The following CRYL1 variants were observed in gnomAD, a reference collection of about 807,000 sequenced individuals.
The protein encoded by CRYL1 is crystallin lambda 1.
In CRYL1, 29 loss-of-function variants were observed where a neutral mutation model predicts 36.6. The observed-to-expected ratio is 0.79, with a 90% CI of 0.59 to 1.08. The LOEUF (loss-of-function observed/expected upper bound fraction) is 1.08, where lower values mean the gene tolerates loss of function less well. CRYL1 is among the 50% of genes least tolerant of loss of function. The probability of loss-of-function intolerance (pLI) is 0.00; values close to 1 mark genes in which losing one functional copy is unlikely to be tolerated. For synonymous variants in CRYL1, 152 were observed against 151.5 expected (o/e 1.00, Z -0.02); for missense variants, 411 against 407.9 (o/e 1.01, Z -0.06).
intron 3 of CRYL1, among the ~76,000 whole-genome samples, chr13:20,447,089 A>T (rs7331852): frequency 6.6e-6 from 1 of 152,058 alleles, no homozygotes; most frequent in Non-Finnish European, 1.5e-5. Flanking sequence ...GCACAGGGCA[A>T]CTGACAGGCA....
chr13:20,403,868 A>C lies in CRYL1; in HGVS notation c.*261T>G. 1 of 321,624 alleles carries C rather than the reference A, an allele frequency of 3.1e-6. No individual in the cohort carries two copies. The highest frequency in any genetic ancestry group is 5.6e-6 in the Non-Finnish European group (1 of 177,078). 19.9% of individuals were successfully genotyped at this position (321,624 alleles called of 1,614,324 possible). A position where few individuals can be genotyped will look rare whatever the true frequency, so the allele number is the denominator to read the frequency against. On this transcript the variant is annotated 3_prime_UTR_variant, in exon 8 of 8. Transcript: ENST00000298248. ...CAATCAAGCTGAAAAGAAAAGGTGA[A>C]AATCTCCAGGTTATCTGCCCAGGTG...
chr13:20,494,548 CT>C (rs1233960939), intron 2 of CRYL1, among the ~76,000 whole-genome samples: 1 of 152,194 alleles, frequency 6.6e-6, no homozygotes, highest in Non-Finnish European at 1.5e-5. Context: ...CCATTGCATC[CT>C]TTAGGAAACT....
intron 5 of CRYL1, among the ~76,000 whole-genome samples, chr13:20,421,436 C>G (rs1162724644): frequency 6.6e-6 from 1 of 152,018 alleles, no homozygotes; most frequent in African/African-American, 2.4e-5. Flanking sequence ...AGCACAAGCC[C>G]CATATCTGCC....
At chr13:20,430,668 C>T in intron 5 of CRYL1, 1 of 985,370 alleles carries the variant, frequency 1.0e-6, no homozygotes, top group Non-Finnish European at 1.2e-6. Context: ...ATCCCAAACC[C>T]TTCCTTGAGT....
intron 1 of CRYL1, among the ~76,000 whole-genome samples, chr13:20,524,696 T>C (rs922194753): frequency 3.3e-5 from 5 of 152,052 alleles, no homozygotes; most frequent in African/African-American, 1.2e-4. Flanking sequence ...CTTTTTAATA[T>C]GCCTTCACTA....
intron 3 of CRYL1, among the ~76,000 whole-genome samples, chr13:20,485,356 T>G (rs1306770630): frequency 6.6e-6 from 1 of 152,132 alleles, no homozygotes; most frequent in Admixed American, 6.5e-5. Flanking sequence ...TTAAATTTGC[T>G]TTACATCATA....
At chr13:20,495,000 C>T (rs946849705) in intron 2 of CRYL1, among the ~76,000 whole-genome samples, 3 of 152,224 alleles carry the variant, frequency 2.0e-5, no homozygotes, top group Admixed American at 6.5e-5. Context: ...GTGAAAGCTG[C>T]GGAGGAGCTT....
At position 20,404,137 on chromosome 13, in the gene CRYL1, G is replaced by A; in HGVS notation, c.952C>T (p.Pro318Ser). The change falls in exon 8 of 8, where the codon CCC (proline) becomes TCC (serine). Residue 318 changes from proline (P) to serine (S), a missense_variant. Transcript: ENST00000298248. The part of the protein sequence containing the change: ...RLAKLKSQVQ[P>S]Q ...GCTGCATTACAAGAAATTCACTGGG[G>A]CTGCACTTGACTCTTCAACTTGGCG... 1.9e-6 allele frequency: 3 copies of A among 1,611,752 alleles called. No homozygotes were observed. Among genetic ancestry groups the A allele is most frequent in the Non-Finnish European group, 2.5e-6 (3 of 1,177,922 alleles).
intron 5 of CRYL1, chr13:20,430,136 C>T (rs1332755760): frequency 1.1e-6 from 1 of 951,300 alleles, no homozygotes; most frequent in Non-Finnish European, 1.3e-6. Flanking sequence ...AGGAGAGGAC[C>T]TGAAGTTTCT....
intron 5 of CRYL1, among the ~76,000 whole-genome samples, chr13:20,417,057 C>T (rs1013979233): frequency 6.6e-6 from 1 of 152,120 alleles, no homozygotes; most frequent in African/African-American, 2.4e-5. Context: ...GAGTTTTTAC[C>T]AAGAAGCTAA....
intron 6 of CRYL1, among the ~76,000 whole-genome samples, chr13:20,409,053 G>A (rs2031452380): frequency 1.3e-5 from 2 of 152,252 alleles, no homozygotes; most frequent in South Asian, 4.1e-4. Flanking sequence ...TCAGTCCTAA[G>A]CCAAAAGAAC....
At chr13:20,442,684 C>T (rs552685882) in intron 3 of CRYL1, among the ~76,000 whole-genome samples, 8 of 152,336 alleles carry the variant, frequency 5.3e-5, no homozygotes, top group African/African-American at 1.9e-4. Context: ...AAATGTGAAG[C>T]ACTAGCAAAA....
chr13:20,406,559 C>T (rs962734875), intron 6 of CRYL1, among the ~76,000 whole-genome samples: 7 of 152,126 alleles, frequency 4.6e-5, no homozygotes, highest in Non-Finnish European at 8.8e-5. Context: ...CTGAGCTTTC[C>T]AGCACTGGAT....
chr13:20,522,047 G>C (rs1290755289), intron 1 of CRYL1, among the ~76,000 whole-genome samples: 1 of 152,086 alleles, frequency 6.6e-6, no homozygotes, highest in Admixed American at 6.6e-5. Flanking sequence ...GCCTCAGAAA[G>C]TTTCTTATAA....
chr13:20,451,097 T>C (rs2032562491), intron 3 of CRYL1, among the ~76,000 whole-genome samples: 1 of 150,396 alleles, frequency 6.6e-6, no homozygotes, highest in Admixed American at 6.6e-5. Flanking sequence ...CATTAGGAGA[T>C]ATACCTAATG....
chr13:20,408,964 A>C (rs1250321429), intron 6 of CRYL1, among the ~76,000 whole-genome samples: 1 of 152,176 alleles, frequency 6.6e-6, no homozygotes, highest in African/African-American at 2.4e-5. Context: ...CCATCAAGCT[A>C]CCAATGACTT....
intron 5 of CRYL1, chr13:20,431,082 G>A (rs947935139): frequency 3.3e-5 from 33 of 985,272 alleles, no homozygotes; most frequent in South Asian, 2.3e-4. Flanking sequence ...TGTACCTAAC[G>A]GGGATTTGGC....
chr13:20,407,347 C>T (rs1020865860), intron 6 of CRYL1, among the ~76,000 whole-genome samples: 17 of 151,926 alleles, frequency 1.1e-4, no homozygotes, highest in Non-Finnish European at 1.8e-4. Context: ...CTTAGACTCA[C>T]GACCTGCATC....
chr13:20,427,297 T>C lies in CRYL1; in HGVS notation c.633+4805A>G, dbSNP rs73441801. On this transcript the variant is annotated intron_variant, in intron 5 of 7. Coordinates refer to ENST00000298248, the MANE Select transcript of CRYL1 (RefSeq NM_015974.3). The stretch of plus-strand genomic sequence containing the variant: ...CCACAGGGCTGCTTCATCCCAAAAC[T>C]GAAGCCAACTGGAAGAGAAACAAAA... 3,620 of 985,342 alleles carry C rather than the reference T, an allele frequency of 3.7e-3. 106 individuals are homozygous for C. The African/African-American group carries it at 0.06, about 16-fold the overall frequency. The allele number at this position is 985,342 out of a possible 1,614,324, so 61.0% of individuals were successfully genotyped here.
Sources: allele counts gnomAD v4.1 joint callset (sites outside exome capture counted in the v4.1 genomes callset), GRCh38; gene constraint gnomAD v4.1.1; transcripts MANE v1.5; gene names NCBI Gene and HGNC (gene_info 2026-07-23, HGNC 2026-07-21).